DENND1A: variants seen among roughly 807,000 people sequenced by gnomAD.
DENND1A encodes the protein DENN domain-containing protein 1A.
A neutral mutation model predicts 113.7 loss-of-function variants in DENND1A; 51 were observed. That is an observed-to-expected ratio of 0.45 (90% CI 0.36 to 0.57). DENND1A has a LOEUF of 0.57. Ranked by LOEUF, DENND1A falls within the 20% of genes least tolerant of loss-of-function variation. The pLI is 0.00. For missense variants in DENND1A, 1,258 were observed against 1,395.9 expected, an observed-to-expected ratio of 0.90 and a Z score of 1.57; for synonymous variants, 565 against 570.8, an observed-to-expected ratio of 0.99 and a Z score of 0.14.
At chr9:123,493,501 G>C (rs1252657282) in intron 13 of DENND1A, among the ~76,000 whole-genome samples, 1 of 152,166 alleles carries the variant, frequency 6.6e-6, no homozygotes, top group African/African-American at 2.4e-5. Flanking sequence ...AGAGAGCGGG[G>C]CCATCACACC....
chr9:123,678,606 TGAAGTGA>T (rs1283738089), intron 5 of DENND1A, among the ~76,000 whole-genome samples: 1 of 152,158 alleles, frequency 6.6e-6, no homozygotes, highest in African/African-American at 2.4e-5. Context: ...GGGTAATAAA[TGAAGTGA>T]GAGGCAACAA....
chr9:123,693,886 G>A (rs1280796176), intron 5 of DENND1A, among the ~76,000 whole-genome samples: 1 of 150,668 alleles, frequency 6.6e-6, no homozygotes, highest in African/African-American at 2.4e-5. Context: ...GGAGTGCAGT[G>A]GCACAATCTC....
chr9:123,739,514 G>A (rs1445498560), intron 5 of DENND1A, among the ~76,000 whole-genome samples: 1 of 152,128 alleles, frequency 6.6e-6, no homozygotes, highest in East Asian at 1.9e-4. Flanking sequence ...GAAAAGAAAT[G>A]CGGTAACCAA....
chr9:123,917,445 G>A (rs566471424), intron 1 of DENND1A, among the ~76,000 whole-genome samples: 1 of 152,266 alleles, frequency 6.6e-6, no homozygotes, highest in African/African-American at 2.4e-5. Flanking sequence ...GAGTAATGGT[G>A]TTGGTGTTGT....
Position 123,382,032 on chromosome 9 carries a change from T to C in DENND1A, c.2613A>G (p.Pro871=). 4.3e-6 allele frequency: 3 copies of C among 701,158 alleles called. No individual in the cohort carries two copies. The highest frequency in any genetic ancestry group is 3.5e-6 in the Non-Finnish European group (2 of 570,922). The allele number at this position is 701,158 out of a possible 1,614,324, so 43.4% of individuals were successfully genotyped here. The change falls in exon 24 of 24, where the codon CCA becomes CCG. Residue 871 remains proline (P), a synonymous_variant. Coordinates refer to ENST00000394215, the MANE Select transcript of DENND1A (RefSeq NM_001352964.2). ...GGGGGAAGCTGAATTGGGGGGTGAA[T>C]GGGGTGGCTACATTCGGGGTGGCGG... is the stretch of plus-strand genomic sequence containing the variant. ...SRPATPNVAT[P]FTPQFSFPPA... is the part of the protein sequence containing the mutation.
intron 13 of DENND1A, among the ~76,000 whole-genome samples, chr9:123,538,740 ATGTGTGTGAGTG>A (rs2055998535): frequency 8.4e-6 from 1 of 119,686 alleles, no homozygotes; most frequent in Non-Finnish European, 1.7e-5. Context: ...CCAGGCAATT[ATGTGTGTGAGTG>A]TGTGTGTGTG....
intron 13 of DENND1A, among the ~76,000 whole-genome samples, chr9:123,482,688 G>A (rs1401943200): frequency 6.6e-6 from 1 of 152,228 alleles, no homozygotes; most frequent in East Asian, 1.9e-4. Flanking sequence ...TGGGACAATG[G>A]CCTTGAAGCA....
intron 13 of DENND1A, among the ~76,000 whole-genome samples, chr9:123,544,074 A>G (rs1477308301): frequency 6.6e-6 from 1 of 152,376 alleles, no homozygotes; most frequent in Middle Eastern, 3.4e-3. Flanking sequence ...TAAACCTTAT[A>G]TGAATGTGGC....
chr9:123,594,453 GA>G (rs1299596081), intron 11 of DENND1A, among the ~76,000 whole-genome samples: 1 of 152,056 alleles, frequency 6.6e-6, no homozygotes, highest in African/African-American at 2.4e-5. Context: ...TAGGCATTGA[GA>G]TGAACAGCAA....
At chr9:123,543,146 T>C (rs762311669) in intron 13 of DENND1A, among the ~76,000 whole-genome samples, 2 of 152,168 alleles carry the variant, frequency 1.3e-5, no homozygotes, top group Non-Finnish European at 2.9e-5. Context: ...TTCCCAGTCA[T>C]GGAACGGGTA....
chr9:123,688,295 C>T (rs1435346739), intron 5 of DENND1A, among the ~76,000 whole-genome samples: 1 of 152,136 alleles, frequency 6.6e-6, no homozygotes, highest in Non-Finnish European at 1.5e-5. Flanking sequence ...GGAATGGTTT[C>T]AGTAAAGTGT....
intron 5 of DENND1A, among the ~76,000 whole-genome samples, chr9:123,725,677 G>C (rs1370981126): frequency 3.9e-5 from 6 of 152,264 alleles, no homozygotes; most frequent in Non-Finnish European, 7.3e-5. Flanking sequence ...GCTGAGAGCA[G>C]TCACTGTGCC....
At chr9:123,923,227 C>A (rs921812673) in intron 1 of DENND1A, among the ~76,000 whole-genome samples, 2 of 152,214 alleles carry the variant, frequency 1.3e-5, no homozygotes, top group Non-Finnish European at 2.9e-5. Context: ...CTGTACAATG[C>A]CCTCTAAGTT....
At chr9:123,667,121 T>C (rs1252864320) in intron 7 of DENND1A, 42 bp from the exon 8 acceptor site, 1 of 1,547,400 alleles carries the variant, frequency 6.5e-7, no homozygotes, top group East Asian at 2.3e-5. Context: ...TGCTAAAATG[T>C]GTAACAATTG....
intron 5 of DENND1A, among the ~76,000 whole-genome samples, chr9:123,730,609 G>C (rs1332569993): frequency 1.3e-5 from 2 of 152,196 alleles, no homozygotes; most frequent in Admixed American, 1.3e-4. Context: ...GGAAACAACA[G>C]ATGCAGGAGA....
intron 5 of DENND1A, among the ~76,000 whole-genome samples, chr9:123,712,194 C>T (rs2066681340): frequency 6.6e-6 from 1 of 152,180 alleles, no homozygotes; most frequent in South Asian, 2.1e-4. Flanking sequence ...ATGACTATTC[C>T]ATATCTACTC....
intron 5 of DENND1A, among the ~76,000 whole-genome samples, chr9:123,680,455 A>G (rs1483829005): frequency 6.6e-6 from 1 of 152,246 alleles, no homozygotes; most frequent in African/African-American, 2.4e-5. Context: ...CCATAGTCAA[A>G]ATCACCCTGA....
Position 123,387,864 on chromosome 9 carries a change from G to T in DENND1A, c.1632-6C>A. On this transcript the variant is annotated splice_polypyrimidine_tract_variant and splice_region_variant and intron_variant, in intron 21 of 23. Transcript: ENST00000394215. ...GTCGCAAGGGCTTTACCAGGCTGGGGCAGAGGAAGACAAAAGAGAAGAGAA... is the reference window on the plus strand; with the variant it reads ...GTCGCAAGGGCTTTACCAGGCTGGGTCAGAGGAAGACAAAAGAGAAGAGAA... 1 of 1,289,872 alleles carries T rather than the reference G, an allele frequency of 7.8e-7. No homozygotes were observed. The highest frequency in any genetic ancestry group is 1.0e-6 in the Non-Finnish European group (1 of 988,756). The allele number at this position is 1,289,872 out of a possible 1,614,324, so 79.9% of individuals were successfully genotyped here.
At chr9:123,496,710 G>C (rs1003040300) in intron 13 of DENND1A, among the ~76,000 whole-genome samples, 1 of 152,168 alleles carries the variant, frequency 6.6e-6, no homozygotes, top group Non-Finnish European at 1.5e-5. Flanking sequence ...AGAGTGTGTG[G>C]GTCAGCGGTG....
Sources: gnomAD v4.1 joint callset for allele counts (sites outside exome capture counted in the v4.1 genomes callset) on GRCh38, gnomAD v4.1.1 for gene constraint, MANE v1.5 for transcripts, NCBI Gene and HGNC (gene_info 2026-07-23, HGNC 2026-07-21) for gene names.